The following SPOP variants were observed in gnomAD, a reference collection of about 807,000 sequenced individuals.
SPOP encodes speckle type BTB/POZ protein, also known as speckle-type POZ protein.
In SPOP, 11 loss-of-function variants were observed where a neutral mutation model predicts 45.6. The observed-to-expected ratio is 0.24, with a 90% confidence interval of 0.15 to 0.40. SPOP has a LOEUF of 0.40. Among genes scored for constraint, SPOP ranks in the 10% least tolerant of loss-of-function variants. The pLI is 1.00. For synonymous variants in SPOP, 166 were observed against 166.3 expected, an observed-to-expected ratio of 1.00 and a Z score of 0.01; for missense variants, 152 against 465.6, an observed-to-expected ratio of 0.33 and a Z score of 6.20.
At chr17:49,638,963 A>G (rs892587822) in intron 1 of SPOP, among the ~76,000 whole-genome samples, 3 of 152,220 alleles carry the variant, frequency 2.0e-5, no homozygotes, top group African/African-American at 7.2e-5. Context: ...TAGTGAGCAG[A>G]GACTGAGCCA....
chr17:49,658,839 G>C (rs1345034386), intron 1 of SPOP, among the ~76,000 whole-genome samples: 2 of 152,166 alleles, frequency 1.3e-5, no homozygotes, highest in Non-Finnish European at 2.9e-5. Context: ...AACGTCAAGG[G>C]CTCCCACAGC....
intron 1 of SPOP, among the ~76,000 whole-genome samples, chr17:49,629,324 C>T (rs767739670): frequency 2.0e-5 from 3 of 151,844 alleles, no homozygotes; most frequent in Non-Finnish European, 4.4e-5. Context: ...TTTTTTTTCA[C>T]ATATCTCTAA....
At chr17:49,614,929 G>C (rs962674396) in intron 5 of SPOP, among the ~76,000 whole-genome samples, 3 of 151,450 alleles carry the variant, frequency 2.0e-5, no homozygotes, top group African/African-American at 7.3e-5. Flanking sequence ...TGTGATCACA[G>C]CTCACTGTAG....
chr17:49,655,477 C>T (rs545508624), intron 1 of SPOP, among the ~76,000 whole-genome samples: 1 of 151,852 alleles, frequency 6.6e-6, no homozygotes, highest in Non-Finnish European at 1.5e-5. Context: ...CGTCACTGCA[C>T]TCCAACCTGG....
intron 1 of SPOP, among the ~76,000 whole-genome samples, chr17:49,667,243 AT>A (rs925467184): frequency 6.6e-5 from 10 of 150,538 alleles, no homozygotes; most frequent in East Asian, 2.0e-4. Context: ...CAAAAAAAAA[AT>A]TTTTTTTTAA....
chr17:49,665,340 C>T (rs892155689), intron 1 of SPOP, among the ~76,000 whole-genome samples: 3 of 152,008 alleles, frequency 2.0e-5, no homozygotes, highest in Admixed American at 6.6e-5. Flanking sequence ...TGGGGCCCGG[C>T]GCAGTGGCAC....
intron 5 of SPOP, among the ~76,000 whole-genome samples, chr17:49,615,781 T>C (rs931034255): frequency 6.6e-6 from 1 of 152,112 alleles, no homozygotes; most frequent in African/African-American, 2.4e-5. Context: ...CTCCACTTAG[T>C]GTAGTGCAGC....
intron 1 of SPOP, among the ~76,000 whole-genome samples, chr17:49,676,236 C>A (rs2073197302): frequency 6.6e-6 from 1 of 152,032 alleles, no homozygotes; most frequent in Non-Finnish European, 1.5e-5. Flanking sequence ...TAACAACTAC[C>A]CCAAACCTAA....
chr17:49,623,311 G>T (rs1414195384), intron 1 of SPOP, among the ~76,000 whole-genome samples: 1 of 152,092 alleles, frequency 6.6e-6, no homozygotes, highest in Non-Finnish European at 1.5e-5. Context: ...CCCAGCCGAG[G>T]TCCTAAATTT....
rs749991151 is a variant in SPOP, at chr17:49,619,110, T to C, written c.353-2A>G. 6.2e-7 allele frequency: 1 copy of C among 1,613,468 alleles called. No individual in the cohort carries two copies. Among genetic ancestry groups the C allele is most frequent in the Non-Finnish European group, 8.5e-7 (1 of 1,179,804 alleles). ...CAAACCTATATGCCCGTTGACTCTC[T>C]GGGGTGGGGAAAAAAAAAGTCATAT... On this transcript the variant is annotated splice_acceptor_variant, in intron 4 of 9. Coordinates refer to ENST00000504102, the MANE Select transcript of SPOP (RefSeq NM_001007228.2). LOFTEE classifies it high-confidence loss of function. The surrounding 1 kb of genome is among the most constrained non-coding windows in gnomAD (Gnocchi z 4.9).
chr17:49,665,154 T>C (rs185635323), intron 1 of SPOP, among the ~76,000 whole-genome samples: 56 of 152,268 alleles, frequency 3.7e-4, no homozygotes, highest in Non-Finnish European at 7.2e-4. Flanking sequence ...AAGATATCCC[T>C]ATATAAAATT....
chr17:49,602,124 C>T (rs775578930), intron 8 of SPOP, 117 bp from the exon 9 acceptor site: 3 of 1,175,598 alleles, frequency 2.6e-6, no homozygotes, highest in Middle Eastern at 2.1e-4. Flanking sequence ...TAGAACTGCA[C>T]AGACCATGAA....
chr17:49,600,394 C>A lies in SPOP; in HGVS notation c.1109G>T (p.Arg370Leu). 6.2e-7 allele frequency: 1 copy of A among 1,614,048 alleles called. No individual in the cohort carries two copies. The highest frequency in any genetic ancestry group is 8.5e-7 in the Non-Finnish European group (1 of 1,179,990). ...AGCAGGATCTTAGGATTGCTTCAGGCGTTTGCGTGGGGGTCCCAGAAAAGG... is the reference window on the plus strand; with the variant it reads ...AGCAGGATCTTAGGATTGCTTCAGGAGTTTGCGTGGGGGTCCCAGAAAAGG... ...QCPFLGPPRK[R>L]LKQS The change falls in exon 10 of 10, where the codon CGC becomes CTC. Residue 370 changes from arginine (R) to leucine (L), a missense_variant. This residue lies in a region of SPOP where 106 missense variants were observed against 255.2 expected (regional missense o/e 0.42). Coordinates refer to ENST00000504102, the MANE Select transcript of SPOP (RefSeq NM_001007228.2). The surrounding 1 kb of genome is among the most constrained non-coding windows in gnomAD (Gnocchi z 4.2).
intron 1 of SPOP, among the ~76,000 whole-genome samples, chr17:49,633,685 T>C (rs1283422295): frequency 2.0e-5 from 3 of 152,154 alleles, no homozygotes; most frequent in African/African-American, 7.2e-5. Flanking sequence ...AAGAATGCAA[T>C]GTATCTCTGC....
chr17:49,636,949 T>C (rs796858832), intron 1 of SPOP: 14 of 152,174 alleles, frequency 9.2e-5, no homozygotes, highest in African/African-American at 3.4e-4. Context: ...CTAGTAAAAA[T>C]TTACTAGTCA....
chr17:49,647,310 T>C (rs2072774857), intron 1 of SPOP, among the ~76,000 whole-genome samples: 1 of 87,760 alleles, frequency 1.1e-5, no homozygotes, highest in Non-Finnish European at 2.0e-5. Flanking sequence ...TGAGATGCCG[T>C]CTTAAAAAAA....
chr17:49,635,815 G>A (rs187231406), intron 1 of SPOP, among the ~76,000 whole-genome samples: 209 of 151,488 alleles, frequency 1.4e-3, no homozygotes, highest in African/African-American at 4.8e-3. Flanking sequence ...TGTATTTTTA[G>A]TAGAGATGGG....
chr17:49,655,081 A>T (rs1330481892), intron 1 of SPOP, among the ~76,000 whole-genome samples: 1 of 152,218 alleles, frequency 6.6e-6, no homozygotes, highest in African/African-American at 2.4e-5. Context: ...TACTTAACAT[A>T]CACCCCTGAT....
chr17:49,642,231 GA>G lies in SPOP; in HGVS notation c.-66-19356del, dbSNP rs200354817. On this transcript the variant is annotated intron_variant, in intron 1 of 9. Coordinates refer to ENST00000504102, the MANE Select transcript of SPOP (RefSeq NM_001007228.2). ...TGAGCACATTTTACTTTTATAGTCA[GA>G]AAAAAAAGGTTTTTAAAAGAAAGAA... 2.2e-3 allele frequency among the ~76,000 whole-genome samples: 330 copies of G among 151,166 alleles called. 1 individual carries two copies. The highest frequency in any genetic ancestry group is 7.5e-3 in the African/African-American group (309 of 41,244).
Sources: allele counts gnomAD v4.1 joint callset (sites outside exome capture counted in the v4.1 genomes callset), GRCh38; gene constraint gnomAD v4.1.1; regional missense constraint gnomAD v4.1.1; non-coding constraint Gnocchi (gnomAD v3.1); transcripts MANE v1.5; gene names NCBI Gene and HGNC (gene_info 2026-07-23, HGNC 2026-07-21).